The following PRPF8 variants were observed in gnomAD, a reference collection of about 807,000 sequenced individuals.
The protein encoded by PRPF8 is pre-mRNA-processing-splicing factor 8.
Under a neutral mutation model 285.9 loss-of-function variants are expected in PRPF8, and 64 were observed. The observed-to-expected ratio is 0.22, with a 90% confidence interval of 0.18 to 0.28. The LOEUF is 0.28. Ranked by LOEUF, PRPF8 falls within the 10% of genes least tolerant of loss-of-function variation. The pLI is 1.00. For missense variants in PRPF8, 1,426 were observed against 3,026.7 expected (o/e 0.47, Z 12.41); for synonymous variants, 1,325 against 1,118.2 (o/e 1.18, Z -3.69).
At chr17:1,670,715 G>A (rs1465542630) in intron 24 of PRPF8, among the ~76,000 whole-genome samples, 2 of 152,080 alleles carry the variant, frequency 1.3e-5, no homozygotes, top group African/African-American at 4.8e-5. Context: ...TCAAACTCCT[G>A]ACCTCAGGTG....
chr17:1,653,548 C>T lies in PRPF8; in HGVS notation c.6363G>A (p.Arg2121=), dbSNP rs1310161956. 1.9e-6 allele frequency: 3 copies of T among 1,614,206 alleles called. No individual in the cohort carries two copies. The Admixed American group carries it at 5.0e-5, about 27-fold the overall frequency. The part of the protein sequence containing the change: ...LKKFICISDL[R]AQIAGYLYGV... ...GCTGAGTCCACTTACTCACTTGGGCCCGAAGGTCAGATATGCAGATGAACT... is the reference window on the plus strand; with the variant it reads ...GCTGAGTCCACTTACTCACTTGGGCTCGAAGGTCAGATATGCAGATGAACT... The change falls in exon 39 of 43, where the codon CGG becomes CGA. Residue 2121 remains arginine (R), a synonymous_variant. Transcript: ENST00000304992. This position sits in a 1 kb window ranked among gnomAD's most constrained non-coding sequence, Gnocchi z 4.9.
chr17:1,675,391 C>G lies in PRPF8; in HGVS notation c.2873-52G>C, dbSNP rs778232830. 1.5e-5 allele frequency: 24 copies of G among 1,594,506 alleles called. No individual in the cohort carries two copies. Among genetic ancestry groups the G allele is most frequent in the South Asian group, 3.3e-5 (3 of 90,680 alleles). ...GCAGGTTAGAAATCCTCTTGCAAGA[C>G]TAGCCCCACAGGAACTATCATTACC... On this transcript the variant is annotated intron_variant, in intron 19 of 42. Coordinates refer to ENST00000304992, the MANE Select transcript of PRPF8 (RefSeq NM_006445.4). The surrounding 1 kb of genome is among the most constrained non-coding windows in gnomAD (Gnocchi z 6.0).
At chr17:1,681,190 C>T in intron 6 of PRPF8, 136 bp from the exon 7 acceptor site, 1 of 987,776 alleles carries the variant, frequency 1.0e-6, no homozygotes, top group Non-Finnish European at 1.6e-6. Context: ...ACAATCCTCC[C>T]ACAGCTCAGC....
Position 1,684,555 on chromosome 17 carries a change from G to A in PRPF8, c.17C>T (p.Pro6Leu), listed in dbSNP as rs2151133802. 11 of 1,612,576 alleles carry A rather than the reference G, an allele frequency of 6.8e-6. No individual in the cohort carries two copies. Among genetic ancestry groups the A allele is most frequent in the Non-Finnish European group, 9.3e-6 (11 of 1,179,882 alleles). The change falls in exon 2 of 43, where the codon CCT (proline) becomes CTT (leucine). Residue 6 changes from proline to leucine, a missense_variant. By Grantham distance (98) the Pro-to-Leu change is moderately conservative (BLOSUM62 -3). Around this residue, in one of 34 missense-constraint regions of PRPF8, gnomAD observed 72 missense variants for 80.0 expected, o/e 0.90. Transcript: ENST00000304992. ...CACCGGGTTACCCGGCCCTCGATAA[G>A]GAAACACTCCGGCCATATCCGGAGA... MAGVF[P>L]YRGPGNPVPG...
rs1432326616 is a variant in PRPF8, at chr17:1,661,016, GAAGT to G, written c.4481_4484del (p.Tyr1494SerfsTer19). On this transcript the variant is annotated frameshift_variant, in exon 28 of 43. Transcript: ENST00000304992. LOFTEE classifies it high-confidence loss of function. The surrounding 1 kb of genome is among the most constrained non-coding windows in gnomAD (Gnocchi z 7.3). Reference sequence around the variant, plus strand: ...ACCAGAAAAGCCCCTCCCAGGTAGGGAAGTAAGTGCCCTTAAAGAGTGTGTGTTC... The same window carrying G: ...ACCAGAAAAGCCCCTCCCAGGTAGGGAAGTGCCCTTAAAGAGTGTGTGTTC... 4 of 1,613,996 alleles carry G rather than the reference GAAGT, an allele frequency of 2.5e-6. No individual in the cohort carries two copies. The highest frequency in any genetic ancestry group is 1.3e-5 in the African/African-American group (1 of 74,916).
Position 1,660,803 on chromosome 17 carries a change from T to C in PRPF8, c.4533A>G (p.Glu1511=), listed in dbSNP as rs112652319. ...LFWEKASGFE[E]SMKWKKLTNA... The stretch of plus-strand genomic sequence containing the variant: ...TAGTTAGCTTCTTCCACTTCATAGA[T>C]TCCTCAAAGCCACTGGCCTTCTCCC... Residue 1511 remains glutamate (E), a synonymous_variant, in exon 29 of 43, where the codon GAA becomes GAG. Coordinates refer to ENST00000304992, the MANE Select transcript of PRPF8 (RefSeq NM_006445.4). 1 of 1,613,910 alleles carries C rather than the reference T, an allele frequency of 6.2e-7. No individual in the cohort carries two copies. The highest frequency in any genetic ancestry group is 8.5e-7 in the Non-Finnish European group (1 of 1,180,024).
At chr17:1,666,561 TC>T (rs1377673293) in intron 24 of PRPF8, among the ~76,000 whole-genome samples, 1 of 141,780 alleles carries the variant, frequency 7.1e-6, no homozygotes, top group African/African-American at 2.8e-5. Context: ...AAAAAAAAAA[TC>T]AATGCAACAA....
chr17:1,660,193 T>C lies in PRPF8; in HGVS notation c.4786-192A>G, dbSNP rs145635526. Among the ~76,000 whole-genome samples, 182 of 150,768 alleles carry C rather than the reference T, an allele frequency of 1.2e-3. 1 individual carries two copies. Among genetic ancestry groups the C allele is most frequent in the Middle Eastern group, 3.4e-3 (1 of 292 alleles). ...CCCGCGATTCCACCTGAGCTGACTC[T>C]GTACAGCACCCTCTCCCCGCGATTC... On this transcript the variant is annotated intron_variant, in intron 30 of 42. Transcript: ENST00000304992.
At chr17:1,656,310 A>G in intron 36 of PRPF8, 82 bp downstream of exon 36, 4 of 1,572,956 alleles carry the variant, frequency 2.5e-6, no homozygotes, top group Non-Finnish European at 3.5e-6. Context: ...AAATGTGAAA[A>G]TGGCAAAAAC....
intron 36 of PRPF8, 99 bp downstream of exon 36, chr17:1,656,293 A>G (rs1911383122): frequency 6.9e-7 from 1 of 1,443,110 alleles, no homozygotes; most frequent in South Asian, 1.1e-5. Flanking sequence ...CCCAATCTAT[A>G]GGCTAAAAAT....
chr17:1,650,764 T>C lies in PRPF8; in HGVS notation c.*38A>G, dbSNP rs1484656082. On this transcript the variant is annotated 3_prime_UTR_variant, in exon 43 of 43. Coordinates refer to ENST00000304992, the MANE Select transcript of PRPF8 (RefSeq NM_006445.4). ...CGGCCTGTCTGGAGGGGCTGAGGCT[T>C]CGGCCTCGGGAGGCTGAAGCAGGAG... The C allele has an allele frequency of 6.2e-7, 1 of 1,612,246 alleles. No homozygotes were observed. The highest frequency in any genetic ancestry group is 1.7e-5 in the Admixed American group (1 of 60,012).
chr17:1,657,831 C>T (rs1270347693), intron 34 of PRPF8, among the ~76,000 whole-genome samples: 4 of 150,062 alleles, frequency 2.7e-5, no homozygotes, highest in Admixed American at 6.7e-5. Context: ...ATTAGCCAGG[C>T]GTGGTGGCGG....
At chr17:1,656,053 TG>T (rs201894204) in intron 36 of PRPF8, among the ~76,000 whole-genome samples, 4,155 of 151,950 alleles carry the variant, frequency 0.027, 79 homozygotes, top group Middle Eastern at 0.041. Flanking sequence ...CCCGAGTAGC[TG>T]GGACTACAGG....
chr17:1,658,302 AG>A lies in PRPF8; in HGVS notation c.5455del (p.Leu1819SerfsTer3). ...CCACACGGACGTGTGGATTATCTTG[AG>A]GAACAGCTGCCCTGTGCGTGGGTTG... ...IFNPRTGQLF[L>X]KIIHTSVWAG... On this transcript the variant is annotated frameshift_variant, in exon 34 of 43. Coordinates refer to ENST00000304992, the MANE Select transcript of PRPF8 (RefSeq NM_006445.4). LOFTEE classifies it high-confidence loss of function. This position sits in a 1 kb window ranked among gnomAD's most constrained non-coding sequence, Gnocchi z 4.1. 6.2e-7 allele frequency: 1 copy of A among 1,614,172 alleles called. No individual in the cohort carries two copies. Among genetic ancestry groups the A allele is most frequent in the Non-Finnish European group, 8.5e-7 (1 of 1,180,034 alleles).
chr17:1,680,867 G>T (rs762666915), intron 7 of PRPF8, 36 bp from the exon 8 acceptor site: 2 of 1,613,988 alleles, frequency 1.2e-6, no homozygotes, highest in Middle Eastern at 1.6e-4. Flanking sequence ...AAGTTTTCCC[G>T]CCCTGGCCCA....
rs750936319 is a variant in PRPF8 at position 1,679,443 on chromosome 17, C to T, written c.1290-33G>A. ...AATAAGCCCACCAGAGTTTGGCCAT[C>T]TCTTCTTCCAGACACTCTGCTAAAG... On this transcript the variant is annotated intron_variant, in intron 9 of 42. Transcript: ENST00000304992. The surrounding 1 kb of genome is among the most constrained non-coding windows in gnomAD (Gnocchi z 4.7). 3.1e-6 allele frequency: 5 copies of T among 1,611,870 alleles called. No homozygotes were observed. The Admixed American group carries it at 5.0e-5, about 16-fold the overall frequency.
At chr17:1,654,561 A>G (rs1484836036) in intron 37 of PRPF8, 1 of 221,524 alleles carries the variant, frequency 4.5e-6, no homozygotes, top group Non-Finnish European at 9.1e-6. Context: ...CTGAAGCCCT[A>G]AAACAGGGAT....
In PRPF8 at chr17:1,650,760, G is replaced by A. The variant is rs771981727; in HGVS notation, c.*42C>T. 1.3e-5 allele frequency: 21 copies of A among 1,611,680 alleles called. No individual in the cohort carries two copies. The highest frequency in any genetic ancestry group is 6.7e-5 in the African/African-American group (5 of 74,816). On this transcript the variant is annotated 3_prime_UTR_variant, in exon 43 of 43. Transcript: ENST00000304992. ...TCAGCGGCCTGTCTGGAGGGGCTGA[G>A]GCTTCGGCCTCGGGAGGCTGAAGCA...
chr17:1,654,163 A>T lies in PRPF8; in HGVS notation c.5988-147T>A, dbSNP rs1911224404. 19 of 1,214,174 alleles carry T rather than the reference A, an allele frequency of 1.6e-5. 1 individual carries two copies. Among genetic ancestry groups the T allele is most frequent in the Middle Eastern group, 5.4e-4 (2 of 3,710 alleles). The allele number at this position is 1,214,174 out of a possible 1,614,324, so 75.2% of individuals were successfully genotyped here. On this transcript the variant is annotated intron_variant, in intron 37 of 42. Coordinates refer to ENST00000304992, the MANE Select transcript of PRPF8 (RefSeq NM_006445.4). The stretch of plus-strand genomic sequence containing the variant: ...AGAGCTGCTTCTACAGGAAGTGTGA[A>T]ACGGAGGTGCACTAACACTTCCAAG...
Sources: allele counts gnomAD v4.1 joint callset (sites outside exome capture counted in the v4.1 genomes callset), GRCh38; gene constraint gnomAD v4.1.1; regional missense constraint gnomAD v4.1.1; non-coding constraint Gnocchi (gnomAD v3.1); transcripts MANE v1.5; gene names NCBI Gene and HGNC (gene_info 2026-07-23, HGNC 2026-07-21).